RFTN1: variants seen among roughly 807,000 people sequenced by gnomAD.
RFTN1 encodes the protein raftlin.
Under a neutral mutation model 46.5 loss-of-function variants are expected in RFTN1, and 26 were observed. The observed-to-expected ratio is 0.56, with a 90% CI of 0.41 to 0.78. RFTN1 has a LOEUF of 0.78. Among genes scored for constraint, RFTN1 ranks in the 30% least tolerant of loss-of-function variants. The probability of loss-of-function intolerance (pLI) is 0.00; values close to 1 mark genes in which losing one functional copy is unlikely to be tolerated. For synonymous variants in RFTN1, 261 were observed against 284.2 expected (o/e 0.92, Z 0.82); for missense variants, 693 against 718.7 (o/e 0.96, Z 0.41).
intron 3 of RFTN1, 103 bp from the exon 4 acceptor site, chr3:16,409,586 C>T (rs973977221): frequency 3.7e-5 from 26 of 709,488 alleles, no homozygotes; most frequent in African/African-American, 5.3e-5. Context: ...GACGCGATCT[C>T]GGCTCACTGC....
intron 2 of RFTN1, among the ~76,000 whole-genome samples, chr3:16,469,551 G>A (rs2076157829): frequency 1.3e-5 from 2 of 152,208 alleles, no homozygotes; most frequent in South Asian, 2.1e-4. Context: ...TGGTGCAGGC[G>A]GGAAGGAACT....
At position 16,459,820 on chromosome 3, in the gene RFTN1, GA is replaced by G. The variant is rs914831978; in HGVS notation, c.146-25784del. On this transcript the variant is annotated intron_variant, in intron 2 of 9. Coordinates refer to ENST00000334133, the MANE Select transcript of RFTN1 (RefSeq NM_015150.2). The surrounding 1 kb of genome is among the most constrained non-coding windows in gnomAD (Gnocchi z 4.2). Reference sequence around the variant, plus strand: ...GCCATTGTTGTTTATTTAAATGCTAGAAAAAAAATAAGATTTATATACAATA... The same window carrying G: ...GCCATTGTTGTTTATTTAAATGCTAGAAAAAAATAAGATTTATATACAATA... Among the ~76,000 whole-genome samples the G allele has an allele frequency of 8.8e-4, 133 of 151,652 alleles. 1 individual carries two copies. The highest frequency in any genetic ancestry group is 2.0e-3 in the African/African-American group (82 of 41,366).
In RFTN1 at chr3:16,353,588, T is replaced by C. The variant is rs1456182765; in HGVS notation, c.1146+4344A>G. ...ACCGTTAAAGACTAAATGTTTTCTA[T>C]CCTCCCACAATGCGTATGTTGAGGC... On this transcript the variant is annotated intron_variant, in intron 7 of 9. Transcript: ENST00000334133. This position sits in a 1 kb window ranked among gnomAD's most constrained non-coding sequence, Gnocchi z 5.4. Among the ~76,000 whole-genome samples the C allele has an allele frequency of 6.6e-6, 1 of 152,194 alleles. No individual in the cohort carries two copies. The highest frequency in any genetic ancestry group is 2.4e-5 in the African/African-American group (1 of 41,444).
At chr3:16,417,788 A>G (rs140560626) in intron 3 of RFTN1, among the ~76,000 whole-genome samples, 5 of 152,276 alleles carry the variant, frequency 3.3e-5, no homozygotes, top group African/African-American at 1.2e-4. Context: ...AAAAGCCTGC[A>G]GCTTTGGCCT....
rs1232667454 is a variant in RFTN1 at position 16,335,904 on chromosome 3, G to C, written c.1147-9028C>G. On this transcript the variant is annotated intron_variant, in intron 7 of 9. Coordinates refer to ENST00000334133, the MANE Select transcript of RFTN1 (RefSeq NM_015150.2). This position sits in a 1 kb window ranked among gnomAD's most constrained non-coding sequence, Gnocchi z 4.7. ...GGAGGCCACAGGCAGGACTCCGCAG[G>C]AGGGAAGTGGCCGACAGCAAGGACT... 6.6e-6 allele frequency among the ~76,000 whole-genome samples: 1 copy of C among 152,254 alleles called. No individual in the cohort carries two copies. Among genetic ancestry groups the C allele is most frequent in the African/African-American group, 2.4e-5 (1 of 41,476 alleles).
chr3:16,419,107 T>A (rs2075138617), intron 3 of RFTN1, among the ~76,000 whole-genome samples: 1 of 151,974 alleles, frequency 6.6e-6, no homozygotes, highest in Admixed American at 6.6e-5. Context: ...AAAGCATGAG[T>A]TATATGATGG....
chr3:16,401,542 A>G (rs1403637296), intron 4 of RFTN1, among the ~76,000 whole-genome samples: 1 of 151,806 alleles, frequency 6.6e-6, no homozygotes, highest in Non-Finnish European at 1.5e-5. Context: ...ACTATTCTCC[A>G]TCTCTTCTCA....
At position 16,458,980 on chromosome 3, in the gene RFTN1, G is replaced by A. The variant is rs1464572216; in HGVS notation, c.146-24943C>T. 2.0e-5 allele frequency among the ~76,000 whole-genome samples: 3 copies of A among 152,154 alleles called. No individual in the cohort carries two copies. Among genetic ancestry groups the A allele is most frequent in the African/African-American group, 7.2e-5 (3 of 41,424 alleles). On this transcript the variant is annotated intron_variant, in intron 2 of 9. Transcript: ENST00000334133. This position sits in a 1 kb window ranked among gnomAD's most constrained non-coding sequence, Gnocchi z 5.1. ...AGACAGCGTCTCACTCTGTCACCAG[G>A]TTGGAGAGCAGTGATGCCATCACAG... is the stretch of plus-strand genomic sequence containing the variant.
In RFTN1 at chr3:16,433,919, G is replaced by A; in HGVS notation, c.264C>T (p.Pro88=). Residue 88 remains proline (P), a synonymous_variant, in exon 3 of 10, where the codon CCC becomes CCT. Transcript: ENST00000334133. The surrounding 1 kb of genome is among the most constrained non-coding windows in gnomAD (Gnocchi z 4.4). ...SLAALHPFVQ[P]THEREKTPLE... ...GGGGCGTCTTCTCCCGCTCATGGGTGGGCTGCACGAAGGGGTGCAGGGCCG... is the reference window on the plus strand; with the variant it reads ...GGGGCGTCTTCTCCCGCTCATGGGTAGGCTGCACGAAGGGGTGCAGGGCCG... The A allele has an allele frequency of 1.2e-6, 2 of 1,614,166 alleles. No homozygotes were observed. The highest frequency in any genetic ancestry group is 8.5e-7 in the Non-Finnish European group (1 of 1,180,036).
intron 2 of RFTN1, among the ~76,000 whole-genome samples, chr3:16,435,755 G>A (rs2075497541): frequency 6.6e-6 from 1 of 151,930 alleles, no homozygotes; most frequent in African/African-American, 2.4e-5. Context: ...TTTTGCATGT[G>A]TGCGCTTATA....
chr3:16,415,430 T>TATATATATATATATACACACACACACAC, intron 3 of RFTN1, among the ~76,000 whole-genome samples: 1 of 114,276 alleles, frequency 8.8e-6, no homozygotes, highest in Admixed American at 9.9e-5. Flanking sequence ...TATATATATA[T>TATATATATATATATACACACACACACAC]ACACACACAC....
At chr3:16,333,596 TGG>T (rs1295797305) in intron 7 of RFTN1, among the ~76,000 whole-genome samples, 4 of 152,158 alleles carry the variant, frequency 2.6e-5, no homozygotes, top group Non-Finnish European at 5.9e-5. Context: ...AAGTGAACAC[TGG>T]AAGGCCTTTC....
chr3:16,386,062 G>A (rs2099837415), intron 4 of RFTN1, among the ~76,000 whole-genome samples: 5 of 152,206 alleles, frequency 3.3e-5, no homozygotes, highest in Admixed American at 3.3e-4. Context: ...AGAGACTTTC[G>A]TCATAGTCCT....
chr3:16,357,351 C>G (rs2072522066), intron 7 of RFTN1, among the ~76,000 whole-genome samples: 1 of 152,184 alleles, frequency 6.6e-6, no homozygotes, highest in Admixed American at 6.5e-5. Context: ...AGGAATTCCC[C>G]TTCCCACAGC....
At position 16,473,097 on chromosome 3, in the gene RFTN1, G is replaced by T. The variant is rs899478852; in HGVS notation, c.145+20628C>A. On this transcript the variant is annotated intron_variant, in intron 2 of 9. Transcript: ENST00000334133. This position sits in a 1 kb window ranked among gnomAD's most constrained non-coding sequence, Gnocchi z 5.3. ...TTTCCCATTTAGATTTTCTGAGGAA[G>T]TGACTTTGGACAACCATGGTGTACA... is the stretch of plus-strand genomic sequence containing the variant. Among the ~76,000 whole-genome samples, 1 of 152,234 alleles carries T rather than the reference G, an allele frequency of 6.6e-6. No homozygotes were observed. The highest frequency in any genetic ancestry group is 2.4e-5 in the African/African-American group (1 of 41,468).
chr3:16,354,118 T>C (rs2072271895), intron 7 of RFTN1, among the ~76,000 whole-genome samples: 1 of 152,182 alleles, frequency 6.6e-6, no homozygotes, highest in South Asian at 2.1e-4. Flanking sequence ...CTGGAGTGCC[T>C]TGGAGAACAA....
intron 2 of RFTN1, among the ~76,000 whole-genome samples, chr3:16,485,308 C>T (rs1419003246): frequency 1.3e-5 from 2 of 152,208 alleles, no homozygotes; most frequent in Non-Finnish European, 2.9e-5. Flanking sequence ...ATACACACAA[C>T]AGCAAGGACT....
intron 7 of RFTN1, among the ~76,000 whole-genome samples, chr3:16,340,318 A>G (rs2071233208): frequency 6.6e-6 from 1 of 152,238 alleles, no homozygotes; most frequent in African/African-American, 2.4e-5. Flanking sequence ...GCTTTTGGGA[A>G]TCCTGTGGCT....
At chr3:16,388,160 T>C (rs1646354253) in intron 4 of RFTN1, among the ~76,000 whole-genome samples, 1 of 152,202 alleles carries the variant, frequency 6.6e-6, no homozygotes, top group South Asian at 2.1e-4. Flanking sequence ...TACCCCAAGA[T>C]TTGTTCCCAT....
Sources: allele counts gnomAD v4.1 joint callset (sites outside exome capture counted in the v4.1 genomes callset), GRCh38; gene constraint gnomAD v4.1.1; non-coding constraint Gnocchi (gnomAD v3.1); transcripts MANE v1.5; gene names NCBI Gene and HGNC (gene_info 2026-07-23, HGNC 2026-07-21).